MEGF11: variants seen among roughly 807,000 people sequenced by gnomAD.
MEGF11 encodes multiple epidermal growth factor-like domains protein 11.
In MEGF11, 126 loss-of-function variants were observed where a neutral mutation model predicts 146.6. The observed-to-expected ratio is 0.86, with a 90% CI of 0.74 to 1.00. The LOEUF (loss-of-function observed/expected upper bound fraction) is 1.00, where lower values mean the gene tolerates loss of function less well. Among genes scored for constraint, MEGF11 ranks in the 50% least tolerant of loss-of-function variants. The pLI, the probability that MEGF11 is intolerant of heterozygous loss-of-function variation, is 0.00. For missense variants in MEGF11, 1,509 were observed against 1,521.2 expected (o/e 0.99, Z 0.13); for synonymous variants, 532 against 583.4 (o/e 0.91, Z 1.27).
chr15:66,041,507 G>C (rs560524834), intron 5 of MEGF11, among the ~76,000 whole-genome samples: 2 of 152,234 alleles, frequency 1.3e-5, no homozygotes, highest in African/African-American at 4.8e-5. Context: ...ATTGCACTAG[G>C]TGCCTCCGAT....
rs112128326 is a variant in MEGF11 at position 66,195,593 on chromosome 15, G to T, written c.-9+58012C>A. 3.1e-3 allele frequency among the ~76,000 whole-genome samples: 468 copies of T among 152,320 alleles called. 4 individuals are homozygous for T. Among genetic ancestry groups the T allele is most frequent in the African/African-American group, 0.011 (444 of 41,558 alleles). ...ATACAGCTATAGGCCAGCGCTGCAG[G>T]CAACTGGGCTCCATCTTACTTGGAC... On this transcript the variant is annotated intron_variant, in intron 1 of 25. Transcript: ENST00000395614.
intron 9 of MEGF11, among the ~76,000 whole-genome samples, chr15:65,960,367 T>A (rs1047763238): frequency 1.3e-5 from 2 of 152,252 alleles, no homozygotes; most frequent in African/African-American, 2.4e-5. Flanking sequence ...TTCTGACCTT[T>A]ACAGTTTGAG....
chr15:66,081,432 G>T (rs1412783048), intron 5 of MEGF11, among the ~76,000 whole-genome samples: 1 of 152,146 alleles, frequency 6.6e-6, no homozygotes. Context: ...AGGCTGGAGT[G>T]CAATGGCACG....
chr15:65,935,656 A>G (rs945940646), intron 10 of MEGF11, among the ~76,000 whole-genome samples: 25 of 152,330 alleles, frequency 1.6e-4, no homozygotes, highest in African/African-American at 6.0e-4. Flanking sequence ...CAAAAAGTCC[A>G]AATGGGGAAT....
rs549399531 is a variant in MEGF11 at position 65,976,644 on chromosome 15, A to C, written c.762+4134T>G. Among the ~76,000 whole-genome samples the C allele has an allele frequency of 2.0e-5, 3 of 152,336 alleles. No homozygotes were observed. The South Asian group carries it at 6.2e-4, about 32-fold the overall frequency. On this transcript the variant is annotated intron_variant, in intron 7 of 25. Transcript: ENST00000395614. The stretch of plus-strand genomic sequence containing the variant: ...CTGTGAGAATCAGTTTCTGTTGTTC[A>C]AGCCGCCTAGTCTGTGGCACTTTGT...
At chr15:65,952,570 T>C (rs2080446775) in intron 10 of MEGF11, among the ~76,000 whole-genome samples, 1 of 152,212 alleles carries the variant, frequency 6.6e-6, no homozygotes, top group Non-Finnish European at 1.5e-5. Flanking sequence ...CCTGGTGTTC[T>C]GTCTGGGCGA....
At chr15:66,239,143 CG>C (rs796702215) in intron 1 of MEGF11, among the ~76,000 whole-genome samples, 51 of 152,312 alleles carry the variant, frequency 3.3e-4, no homozygotes, top group African/African-American at 1.1e-3. Flanking sequence ...TCACCTTACT[CG>C]GGAAGGACAT....
intron 1 of MEGF11, among the ~76,000 whole-genome samples, chr15:66,150,071 G>A (rs750984248): frequency 7.9e-5 from 12 of 152,260 alleles, no homozygotes; most frequent in South Asian, 2.1e-4. Context: ...GAGCTGTGGC[G>A]GGAGCCTGGG....
intron 5 of MEGF11, among the ~76,000 whole-genome samples, chr15:66,044,590 G>A (rs1462191267): frequency 6.6e-6 from 1 of 152,054 alleles, no homozygotes; most frequent in Admixed American, 6.6e-5. Context: ...GCTCATGCTT[G>A]TAATCTCAGT....
chr15:66,044,850 CAAAAAAAAAAAAA>C (rs140901440), intron 5 of MEGF11, among the ~76,000 whole-genome samples: 161 of 90,718 alleles, frequency 1.8e-3, no homozygotes, highest in African/African-American at 7.8e-3. Flanking sequence ...GACCTTATCT[CAAAAAAAAAAAAA>C]AAAAAAAAAA....
intron 9 of MEGF11, among the ~76,000 whole-genome samples, chr15:65,962,337 C>T (rs1293984595): frequency 6.6e-6 from 1 of 152,190 alleles, no homozygotes; most frequent in African/African-American, 2.4e-5. Context: ...TTTCCTGCCC[C>T]ACCCCACCCT....
At chr15:66,089,512 C>T (rs1249521434) in intron 5 of MEGF11, among the ~76,000 whole-genome samples, 1 of 152,188 alleles carries the variant, frequency 6.6e-6, no homozygotes, top group East Asian at 1.9e-4. Context: ...CATTCTGTAG[C>T]CTGGAACCCA....
intron 5 of MEGF11, among the ~76,000 whole-genome samples, chr15:66,045,876 G>T (rs535315019): frequency 1.4e-3 from 212 of 152,284 alleles, no homozygotes; most frequent in Middle Eastern, 3.4e-3. Context: ...GTCGAGGTGG[G>T]TGGATCACTT....
chr15:66,128,301 C>T lies in MEGF11; in HGVS notation c.98+5G>A. On this transcript the variant is annotated splice_donor_5th_base_variant and intron_variant, in intron 2 of 25. Transcript: ENST00000395614. ...GTGCCTGGCCATCTGAGGCCCACAC[C>T]TTACCTCTCCCAGTGGCTGCACACG... The T allele has an allele frequency of 6.7e-7, 1 of 1,495,520 alleles. No homozygotes were observed. The highest frequency in any genetic ancestry group is 8.9e-7 in the Non-Finnish European group (1 of 1,120,500). 92.6% of individuals were successfully genotyped at this position (1,495,520 alleles called of 1,614,324 possible). A position where few individuals can be genotyped will look rare whatever the true frequency, so the allele number is the denominator to read the frequency against.
intron 10 of MEGF11, among the ~76,000 whole-genome samples, chr15:65,933,116 G>A (rs191668512): frequency 7.7e-4 from 117 of 152,218 alleles, no homozygotes; most frequent in African/African-American, 2.7e-3. Context: ...CTTCTGTCTC[G>A]CCCTTGGGGG....
chr15:65,970,434 T>A (rs532824167), intron 8 of MEGF11, 119 bp downstream of exon 8: 1 of 1,141,090 alleles, frequency 8.8e-7, no homozygotes, highest in South Asian at 1.6e-5. Context: ...GAGCTCAGAG[T>A]GCTTTCTGAG....
At chr15:66,055,556 G>A (rs1238516606) in intron 5 of MEGF11, among the ~76,000 whole-genome samples, 1 of 152,194 alleles carries the variant, frequency 6.6e-6, no homozygotes, top group African/African-American at 2.4e-5. Context: ...TTGGTTCTAT[G>A]TATTTCTTTT....
Position 65,929,826 on chromosome 15 carries a change from C to T in MEGF11, c.1466G>A (p.Cys489Tyr), listed in dbSNP as rs1325489065. The part of the protein sequence containing the change: ...PCPSGTWGLN[C>Y]NESCTCANGA... Reference sequence around the variant, plus strand: ...ATTGGCACAGGTGCAGCTCTCGTTGCAGTTCAGGCCCCACGTCCCACTGGG... The same window carrying T: ...ATTGGCACAGGTGCAGCTCTCGTTGTAGTTCAGGCCCCACGTCCCACTGGG... Residue 489 changes from cysteine (C) to tyrosine (Y), a missense_variant, in exon 12 of 26, where the codon TGC becomes TAC. Transcript: ENST00000395614. 3 of 1,589,392 alleles carry T rather than the reference C, an allele frequency of 1.9e-6. No individual in the cohort carries two copies. The highest frequency in any genetic ancestry group is 2.6e-6 in the Non-Finnish European group (3 of 1,168,162).
At chr15:66,017,903 A>G (rs751844653) in intron 5 of MEGF11, among the ~76,000 whole-genome samples, 2 of 152,208 alleles carry the variant, frequency 1.3e-5, no homozygotes, top group African/African-American at 2.4e-5. Flanking sequence ...CAGAGAGATG[A>G]GAGGCAGGCC....
Sources: allele counts gnomAD v4.1 joint callset (sites outside exome capture counted in the v4.1 genomes callset), GRCh38; gene constraint gnomAD v4.1.1; transcripts MANE v1.5; gene names NCBI Gene and HGNC (gene_info 2026-07-23, HGNC 2026-07-21).